GLCE: variants seen among roughly 807,000 people sequenced by gnomAD.
The protein encoded by GLCE is glucuronic acid epimerase.
A neutral mutation model predicts 47.9 loss-of-function variants in GLCE; 19 were observed. The observed-to-expected ratio is 0.40, with a 90% CI of 0.28 to 0.58. The LOEUF is 0.58. GLCE is among the 20% of genes least tolerant of loss of function. The pLI, the probability that GLCE is intolerant of heterozygous loss-of-function variation, is 0.48. For missense variants in GLCE, 556 were observed against 743.3 expected (o/e 0.75, Z 2.93); for synonymous variants, 245 against 263.4 (o/e 0.93, Z 0.68).
At chr15:69,224,884 T>A (rs530045460) in intron 2 of GLCE, among the ~76,000 whole-genome samples, 124 of 152,344 alleles carry the variant, frequency 8.1e-4, no homozygotes, top group African/African-American at 2.8e-3. Flanking sequence ...TTGTCTAAGT[T>A]GGGAGACAGA....
chr15:69,259,582 C>T (rs2052983547), intron 3 of GLCE, among the ~76,000 whole-genome samples: 2 of 152,148 alleles, frequency 1.3e-5, no homozygotes, highest in African/African-American at 4.8e-5. Flanking sequence ...TGTATTGAAT[C>T]ATCTCTTTTC....
intron 1 of GLCE, among the ~76,000 whole-genome samples, chr15:69,167,176 A>G (rs1222903937): frequency 6.6e-6 from 1 of 152,214 alleles, no homozygotes; most frequent in Non-Finnish European, 1.5e-5. Flanking sequence ...AGATCGCGCC[A>G]CTGCACTCAG....
intron 2 of GLCE, among the ~76,000 whole-genome samples, chr15:69,254,849 A>G (rs913720897): frequency 2.6e-5 from 4 of 152,200 alleles, no homozygotes; most frequent in Admixed American, 2.6e-4. Context: ...CCTTGTATTT[A>G]AAGGCATGAG....
At chr15:69,167,172 C>T (rs965176584) in intron 1 of GLCE, among the ~76,000 whole-genome samples, 10 of 152,204 alleles carry the variant, frequency 6.6e-5, no homozygotes, top group Admixed American at 1.3e-4. Flanking sequence ...GCTGAGATCG[C>T]GCCACTGCAC....
chr15:69,257,659 A>C (rs1047145953), intron 3 of GLCE, among the ~76,000 whole-genome samples: 1 of 152,090 alleles, frequency 6.6e-6, no homozygotes, highest in Admixed American at 6.5e-5. Context: ...TCCTTACCAA[A>C]TGTTTAGAAG....
chr15:69,261,443 C>A, intron 4 of GLCE, 114 bp downstream of exon 4: 2 of 972,352 alleles, frequency 2.1e-6, no homozygotes, highest in Non-Finnish European at 1.5e-6. Context: ...CTTTATATTA[C>A]ATATATAAAG....
intron 3 of GLCE, among the ~76,000 whole-genome samples, chr15:69,257,288 T>C (rs887126625): frequency 6.6e-6 from 1 of 152,194 alleles, no homozygotes; most frequent in Non-Finnish European, 1.5e-5. Context: ...ACATATCTGA[T>C]GCAGGAGTTT....
Position 69,243,057 on chromosome 15 carries a change from CAAAAAAAAA to C in GLCE, c.-13-12726_-13-12718del, listed in dbSNP as rs547412078. ...GGGTGACAGAGTGAGAGATCCTGTCCAAAAAAAAAAAAAAAAAAAGAAAGAAAGAAATGA... is the reference window on the plus strand; with the variant it reads ...GGGTGACAGAGTGAGAGATCCTGTCCAAAAAAAAAAGAAAGAAAGAAATGA... On this transcript the variant is annotated intron_variant, in intron 2 of 4. Transcript: ENST00000261858. Among the ~76,000 whole-genome samples the C allele has an allele frequency of 8.7e-4, 37 of 42,340 alleles. No individual in the cohort carries two copies. The South Asian group carries it at 0.011, about 12-fold the overall frequency. 27.8% of individuals were successfully genotyped at this position (42,340 alleles called of 152,430 possible). A position where few individuals can be genotyped will look rare whatever the true frequency, so the allele number is the denominator to read the frequency against.
chr15:69,214,760 T>C (rs1304638027), intron 2 of GLCE, among the ~76,000 whole-genome samples: 1 of 152,146 alleles, frequency 6.6e-6, no homozygotes, highest in Non-Finnish European at 1.5e-5. Context: ...GTAATTTCTT[T>C]CTCCCACAGT....
In GLCE at chr15:69,271,715, A is replaced by G. The variant is rs1486984434; in HGVS notation, c.*2471A>G. 1 of 152,418 alleles carries G rather than the reference A, an allele frequency of 6.6e-6. No individual in the cohort carries two copies. Among genetic ancestry groups the G allele is most frequent in the Non-Finnish European group, 1.5e-5 (1 of 68,032 alleles). 9.4% of individuals were successfully genotyped at this position (152,418 alleles called of 1,614,324 possible). A position where few individuals can be genotyped will look rare whatever the true frequency, so the allele number is the denominator to read the frequency against. On this transcript the variant is annotated 3_prime_UTR_variant, in exon 5 of 5. Transcript: ENST00000261858. ...TCACTTTGATGTTAAATCTATTGCTACTTCAGTTGTAAAACCAGCCAAAAG... is the reference window on the plus strand; with the variant it reads ...TCACTTTGATGTTAAATCTATTGCTGCTTCAGTTGTAAAACCAGCCAAAAG...
At position 69,271,354 on chromosome 15, in the gene GLCE, C is replaced by T. The variant is rs2053164805; in HGVS notation, c.*2110C>T. The T allele has an allele frequency of 6.6e-6, 1 of 152,624 alleles. No homozygotes were observed. Among genetic ancestry groups the T allele is most frequent in the Admixed American group, 6.5e-5 (1 of 15,278 alleles). The allele number at this position is 152,624 out of a possible 1,614,324, so 9.5% of individuals were successfully genotyped here. On this transcript the variant is annotated 3_prime_UTR_variant, in exon 5 of 5. Transcript: ENST00000261858. ...CTCAAACTTTAAAATGCCTCAGCAT[C>T]ACTTGGGAGCTTATTGAAATGCAGA...
intron 1 of GLCE, among the ~76,000 whole-genome samples, chr15:69,209,033 T>G (rs2052190168): frequency 6.6e-6 from 1 of 152,068 alleles, no homozygotes; most frequent in African/African-American, 2.4e-5. Context: ...TGACTTTTTC[T>G]TCTGTCGTCT....
intron 1 of GLCE, among the ~76,000 whole-genome samples, chr15:69,164,522 C>G (rs114103161): frequency 0.022 from 3,259 of 149,572 alleles, 93 homozygotes; most frequent in African/African-American, 0.062. Context: ...TTGTTATATA[C>G]ATATGCCATA....
intron 2 of GLCE, among the ~76,000 whole-genome samples, chr15:69,248,385 T>G (rs1055569916): frequency 6.6e-6 from 1 of 152,228 alleles, no homozygotes; most frequent in African/African-American, 2.4e-5. Flanking sequence ...ACAGTCCGTA[T>G]TCTGTTATGT....
intron 2 of GLCE, among the ~76,000 whole-genome samples, chr15:69,227,285 GA>G (rs377412112): frequency 1.6e-3 from 237 of 152,208 alleles, no homozygotes; most frequent in African/African-American, 5.6e-3. Context: ...ATACCCTATA[GA>G]AAGGGTATCC....
intron 1 of GLCE, among the ~76,000 whole-genome samples, chr15:69,179,020 G>A (rs1044073327): frequency 6.6e-6 from 1 of 152,118 alleles, no homozygotes; most frequent in Non-Finnish European, 1.5e-5. Context: ...ATGGTATGCC[G>A]CTTATATTGC....
At chr15:69,209,571 T>C (rs1222041102) in intron 1 of GLCE, among the ~76,000 whole-genome samples, 1 of 152,098 alleles carries the variant, frequency 6.6e-6, no homozygotes, top group Non-Finnish European at 1.5e-5. Flanking sequence ...TTCATAATTC[T>C]CAAAGTCTGT....
intron 2 of GLCE, among the ~76,000 whole-genome samples, chr15:69,220,515 G>A (rs932359446): frequency 3.9e-5 from 6 of 151,956 alleles, no homozygotes; most frequent in Admixed American, 1.3e-4. Context: ...TTTGATTTGT[G>A]TTCGTTAATG....
chr15:69,185,430 T>C (rs1406450722), intron 1 of GLCE, among the ~76,000 whole-genome samples: 1 of 152,182 alleles, frequency 6.6e-6, no homozygotes, highest in Non-Finnish European at 1.5e-5. Flanking sequence ...AAAAGTTGCC[T>C]GAAGCGTTGT....
Sources: gnomAD v4.1 joint callset for allele counts (sites outside exome capture counted in the v4.1 genomes callset) on GRCh38, gnomAD v4.1.1 for gene constraint, MANE v1.5 for transcripts, NCBI Gene and HGNC (gene_info 2026-07-23, HGNC 2026-07-21) for gene names.